Variants in LRP1B observed in about 807,000 individuals in gnomAD.
LRP1B encodes low-density lipoprotein receptor-related protein 1B.
A neutral mutation model predicts 556.6 loss-of-function variants in LRP1B; 217 were observed. That is an observed-to-expected ratio of 0.39 (90% CI 0.35 to 0.44). The LOEUF (loss-of-function observed/expected upper bound fraction) is 0.44, where lower values mean the gene tolerates loss of function less well. Among genes scored for constraint, LRP1B ranks in the 20% least tolerant of loss-of-function variants. The pLI is 1.00. For missense variants in LRP1B, 5,053 were observed against 5,620.8 expected, an observed-to-expected ratio of 0.90 and a Z score of 3.23; for synonymous variants, 2,047 against 1,865.8, an observed-to-expected ratio of 1.10 and a Z score of -2.50.
intron 1 of LRP1B, among the ~76,000 whole-genome samples, chr2:141,975,975 C>A (rs997690435): frequency 6.6e-6 from 1 of 151,586 alleles, no homozygotes; most frequent in African/African-American, 2.4e-5. Flanking sequence ...TGCTGAAATG[C>A]TTTCTATGTT....
chr2:141,991,901 C>A (rs1008643688), intron 1 of LRP1B, among the ~76,000 whole-genome samples: 2 of 152,020 alleles, frequency 1.3e-5, no homozygotes, highest in Non-Finnish European at 2.9e-5. Flanking sequence ...ATTGCACATG[C>A]AATAGAAGAG....
chr2:140,359,864 T>G (rs1176138895), intron 72 of LRP1B, among the ~76,000 whole-genome samples: 1 of 151,572 alleles, frequency 6.6e-6, no homozygotes, highest in Non-Finnish European at 1.5e-5. Context: ...TTTCCATCAT[T>G]CAGTTAGTGG....
At chr2:141,351,337 C>A (rs1180534110) in intron 3 of LRP1B, among the ~76,000 whole-genome samples, 2 of 151,972 alleles carry the variant, frequency 1.3e-5, no homozygotes, top group Non-Finnish European at 2.9e-5. Context: ...TTGTATGAAA[C>A]TACTCTTCAA....
At chr2:140,593,694 C>A (rs891105640) in intron 43 of LRP1B, among the ~76,000 whole-genome samples, 3 of 151,572 alleles carry the variant, frequency 2.0e-5, no homozygotes, top group African/African-American at 7.3e-5. Flanking sequence ...TTTATTGTGA[C>A]CACATTCTAA....
At chr2:140,443,589 C>T (rs1399730327) in intron 65 of LRP1B, among the ~76,000 whole-genome samples, 3 of 152,174 alleles carry the variant, frequency 2.0e-5, no homozygotes, top group Non-Finnish European at 2.9e-5. Context: ...ATGTTGACAG[C>T]GGTTCTGTTG....
At chr2:141,151,248 T>G (rs535127585) in intron 7 of LRP1B, among the ~76,000 whole-genome samples, 1 of 152,148 alleles carries the variant, frequency 6.6e-6, no homozygotes, top group Non-Finnish European at 1.5e-5. Flanking sequence ...GCTTTCATGA[T>G]CATTTAGATA....
intron 66 of LRP1B, among the ~76,000 whole-genome samples, chr2:140,407,683 T>C (rs948584133): frequency 6.6e-6 from 1 of 152,006 alleles, no homozygotes; most frequent in Non-Finnish European, 1.5e-5. Context: ...AAATAGTACA[T>C]GTTGCTGTGG....
At chr2:140,268,895 T>A (rs1682330020) in intron 86 of LRP1B, among the ~76,000 whole-genome samples, 1 of 151,930 alleles carries the variant, frequency 6.6e-6, no homozygotes, top group South Asian at 2.1e-4. Flanking sequence ...AATAGAGCGC[T>A]TCATCTGTGC....
intron 60 of LRP1B, among the ~76,000 whole-genome samples, chr2:140,467,977 AG>A (rs774068461): frequency 1.3e-5 from 2 of 152,208 alleles, no homozygotes; most frequent in East Asian, 1.9e-4. Flanking sequence ...GAGAATATCA[AG>A]GGTGTGGCCA....
chr2:140,478,959 T>A (rs923357810), intron 59 of LRP1B, among the ~76,000 whole-genome samples: 21 of 152,096 alleles, frequency 1.4e-4, no homozygotes, highest in South Asian at 4.1e-4. Flanking sequence ...ACCTATTGCA[T>A]CTGGATTGTA....
At chr2:141,122,329 A>G (rs990408755) in intron 7 of LRP1B, among the ~76,000 whole-genome samples, 2 of 152,046 alleles carry the variant, frequency 1.3e-5, no homozygotes, top group African/African-American at 4.8e-5. Flanking sequence ...ACAGAATGGG[A>G]GAAAATTTTT....
rs193138091 is a variant in LRP1B, at chr2:141,722,459, G to C, written c.205+87820C>G. Among the ~76,000 whole-genome samples, 53 of 152,182 alleles carry C rather than the reference G, an allele frequency of 3.5e-4. No homozygotes were observed. In the East Asian group the frequency reaches 9.7e-3, roughly 28 times the overall value. On this transcript the variant is annotated intron_variant, in intron 2 of 90. Coordinates refer to ENST00000389484, the MANE Select transcript of LRP1B (RefSeq NM_018557.3). ...TTAGATATCTTTGGTGCATAATTTA[G>C]AGCACATTAGTACAACTAATTTACA...
chr2:140,675,300 A>ACCC (rs1407432987), intron 41 of LRP1B, among the ~76,000 whole-genome samples: 2 of 152,218 alleles, frequency 1.3e-5, no homozygotes, highest in African/African-American at 4.8e-5. Context: ...TATAAAACTG[A>ACCC]CCAGCACACT....
chr2:140,578,286 A>G (rs1303500173), intron 43 of LRP1B, among the ~76,000 whole-genome samples: 3 of 151,928 alleles, frequency 2.0e-5, no homozygotes, highest in Admixed American at 6.6e-5. Flanking sequence ...TTTCGTTCTC[A>G]TCTACAATGA....
chr2:142,042,953 T>C (rs16855118), intron 1 of LRP1B, among the ~76,000 whole-genome samples: 5,481 of 120,164 alleles, frequency 0.046, 327 homozygotes, highest in African/African-American at 0.13. Context: ...AGGGATTTGA[T>C]TTAAATTGAT....
chr2:141,484,516 T>G (rs951376822), intron 2 of LRP1B, among the ~76,000 whole-genome samples: 6 of 152,134 alleles, frequency 3.9e-5, no homozygotes, highest in Non-Finnish European at 7.4e-5. Flanking sequence ...ATTGGTAACT[T>G]GATGGGGATG....
intron 1 of LRP1B, among the ~76,000 whole-genome samples, chr2:141,976,311 T>C (rs1363643375): frequency 6.6e-6 from 1 of 152,198 alleles, no homozygotes; most frequent in Non-Finnish European, 1.5e-5. Context: ...TAAATGTTGG[T>C]TAAAAATCTT....
chr2:140,849,200 C>CAAAAAAAAA lies in LRP1B; in HGVS notation c.4939+893_4939+901dup, dbSNP rs70988447. Reference sequence around the variant, plus strand: ...TGAAACCCTGTATCTACTAAAAATACAAAAAAAAAAAAAAAAAAAAAAAAT... The same window carrying CAAAAAAAAA: ...TGAAACCCTGTATCTACTAAAAATACAAAAAAAAAAAAAAAAAAAAAAAAAAAAAAAAAT... On this transcript the variant is annotated intron_variant, in intron 29 of 90. Coordinates refer to ENST00000389484, the MANE Select transcript of LRP1B (RefSeq NM_018557.3). Among the ~76,000 whole-genome samples, 69 of 100,504 alleles carry CAAAAAAAAA rather than the reference C, an allele frequency of 6.9e-4. 1 individual carries two copies. The highest frequency in any genetic ancestry group is 2.2e-3 in the African/African-American group (53 of 24,144). The allele number at this position is 100,504 out of a possible 152,430, so 65.9% of individuals were successfully genotyped here.
intron 1 of LRP1B, among the ~76,000 whole-genome samples, chr2:141,957,905 CAT>C (rs1291649455): frequency 2.0e-5 from 3 of 151,980 alleles, no homozygotes; most frequent in Non-Finnish European, 2.9e-5. Context: ...TGAGGCAAAA[CAT>C]ATTTTAAAAG....
Sources: gnomAD v4.1 joint callset for allele counts (sites outside exome capture counted in the v4.1 genomes callset) on GRCh38, gnomAD v4.1.1 for gene constraint, MANE v1.5 for transcripts, NCBI Gene and HGNC (gene_info 2026-07-23, HGNC 2026-07-21) for gene names.